The following SOX6 variants were observed in gnomAD, a reference collection of about 807,000 sequenced individuals.
SOX6 encodes the protein SRY-box transcription factor 6.
In SOX6, 11 loss-of-function variants were observed where a neutral mutation model predicts 97.8. The observed-to-expected ratio is 0.11, with a 90% CI of 0.07 to 0.19. SOX6 has a LOEUF of 0.19. Ranked by LOEUF, SOX6 falls within the 10% of genes least tolerant of loss-of-function variation. The probability of loss-of-function intolerance (pLI) is 1.00; values close to 1 mark genes in which losing one functional copy is unlikely to be tolerated. For missense variants in SOX6, 810 were observed against 1,039.5 expected, an observed-to-expected ratio of 0.78 and a Z score of 3.04; for synonymous variants, 360 against 371.4, an observed-to-expected ratio of 0.97 and a Z score of 0.35.
intron 4 of SOX6, among the ~76,000 whole-genome samples, chr11:16,501,943 C>G (rs1471584804): frequency 6.6e-6 from 1 of 152,066 alleles, no homozygotes; most frequent in Non-Finnish European, 1.5e-5. Flanking sequence ...ACCATTTGAC[C>G]CAGCCATCCC....
At chr11:16,063,638 C>G (rs1454697880) in intron 9 of SOX6, among the ~76,000 whole-genome samples, 1 of 143,682 alleles carries the variant, frequency 7.0e-6, no homozygotes, top group Non-Finnish European at 1.5e-5. Flanking sequence ...TCATTATAAA[C>G]ATATGATTTT....
At chr11:16,562,785 C>T (rs1053861752) in intron 4 of SOX6, among the ~76,000 whole-genome samples, 21 of 152,102 alleles carry the variant, frequency 1.4e-4, no homozygotes, top group African/African-American at 4.3e-4. Flanking sequence ...CATTGACCAA[C>T]AGTAATGAGG....
At chr11:16,248,455 C>A (rs1853406320) in intron 3 of SOX6, among the ~76,000 whole-genome samples, 1 of 152,230 alleles carries the variant, frequency 6.6e-6, no homozygotes, top group Non-Finnish European at 1.5e-5. Context: ...ACCTGGACAT[C>A]CTGGTGTTTC....
intron 4 of SOX6, among the ~76,000 whole-genome samples, chr11:16,580,928 T>C (rs992849912): frequency 2.0e-5 from 3 of 151,876 alleles, no homozygotes; most frequent in African/African-American, 7.3e-5. Flanking sequence ...ATAGCGATTA[T>C]TAAAAAGTCA....
chr11:16,641,654 T>C (rs1379015767), intron 3 of SOX6, among the ~76,000 whole-genome samples: 1 of 152,254 alleles, frequency 6.6e-6, no homozygotes, highest in Non-Finnish European at 1.5e-5. Flanking sequence ...CCTTTACCAT[T>C]ATGTAATGGC....
rs1325816794 is a variant in SOX6 at position 16,605,424 on chromosome 11, GGTTT to G, written n.609+6653_609+6656del. On this transcript the variant is annotated intron_variant and non_coding_transcript_variant, in intron 4 of 5. Transcript: ENST00000524520. The surrounding 1 kb of genome is among the most constrained non-coding windows in gnomAD (Gnocchi z 5.3). Reference sequence around the variant, plus strand: ...TGGATTTCGGATGGGCTTGGAATTCGGTTTGTTTATTCCTGAAAAGATCATTAAA... The same window carrying G: ...TGGATTTCGGATGGGCTTGGAATTCGGTTTATTCCTGAAAAGATCATTAAA... 1.3e-5 allele frequency among the ~76,000 whole-genome samples: 2 copies of G among 152,122 alleles called. No individual in the cohort carries two copies. The highest frequency in any genetic ancestry group is 4.8e-5 in the African/African-American group (2 of 41,426).
upstream of SOX6, among the ~76,000 whole-genome samples, chr11:16,480,872 A>G (rs1419836221): frequency 1.3e-5 from 2 of 152,166 alleles, no homozygotes; most frequent in African/African-American, 4.8e-5. Flanking sequence ...ACTTTTTAAA[A>G]TTTATTGATG....
intron 3 of SOX6, among the ~76,000 whole-genome samples, chr11:16,675,623 A>AT (rs1004994172): frequency 6.6e-6 from 1 of 152,126 alleles, no homozygotes; most frequent in Non-Finnish European, 1.5e-5. Context: ...TCCCTTTGTC[A>AT]TTTTTTGTAG....
chr11:16,479,267 T>A (rs1263225589), upstream of SOX6, among the ~76,000 whole-genome samples: 2 of 152,168 alleles, frequency 1.3e-5, no homozygotes, highest in Non-Finnish European at 2.9e-5. Context: ...GGGTGGCTCA[T>A]GCCTGTAATC....
chr11:16,152,070 A>G (rs1300634920), intron 6 of SOX6, among the ~76,000 whole-genome samples: 1 of 152,190 alleles, frequency 6.6e-6, no homozygotes, highest in Non-Finnish European at 1.5e-5. Flanking sequence ...ATTTACCACC[A>G]GGATCAAATA....
intron 11 of SOX6, among the ~76,000 whole-genome samples, chr11:16,047,119 T>G (rs1855857149): frequency 6.6e-6 from 1 of 152,136 alleles, no homozygotes; most frequent in African/African-American, 2.4e-5. Context: ...CTACCCATTA[T>G]AGTTGCTGTG....
chr11:16,160,845 T>C (rs1004454311), intron 6 of SOX6, among the ~76,000 whole-genome samples: 1 of 152,208 alleles, frequency 6.6e-6, no homozygotes, highest in Non-Finnish European at 1.5e-5. Flanking sequence ...TTTTTGGAAC[T>C]GAGCTCTCTT....
rs1564972253 is a variant in SOX6, at chr11:16,132,393, AGAAAGAAAAAAGAAAGAAAGAAAG to A, written c.778-20494_778-20471del. On this transcript the variant is annotated intron_variant, in intron 6 of 15. Transcript: ENST00000683767. ...AAGAAAGAAAGAAAGAAAGAAAGAA[AGAAAGAAAAAAGAAAGAAAGAAAG>A]AAAGAAAGAAAGAAAGAAAGAAAGA... is the stretch of plus-strand genomic sequence containing the variant. 5.4e-4 allele frequency among the ~76,000 whole-genome samples: 45 copies of A among 82,626 alleles called. 3 individuals are homozygous for A. Among genetic ancestry groups the A allele is most frequent in the Middle Eastern group, 5.1e-3 (1 of 198 alleles). The allele number at this position is 82,626 out of a possible 152,430, so 54.2% of individuals were successfully genotyped here. A position where few individuals can be genotyped will look rare whatever the true frequency, so the allele number is the denominator to read the frequency against.
chr11:16,387,829 C>G (rs1010453785), intron 1 of SOX6, among the ~76,000 whole-genome samples: 1 of 152,006 alleles, frequency 6.6e-6, no homozygotes. Flanking sequence ...TTTTGATCCC[C>G]ACCTACTTAA....
At chr11:16,647,273 T>G (rs571536741) in intron 3 of SOX6, among the ~76,000 whole-genome samples, 2 of 152,258 alleles carry the variant, frequency 1.3e-5, no homozygotes, top group Admixed American at 1.3e-4. Context: ...CTGATATGAT[T>G]TCTATGCCCC....
At chr11:16,525,090 C>T (rs1225376919) in intron 4 of SOX6, among the ~76,000 whole-genome samples, 1 of 152,164 alleles carries the variant, frequency 6.6e-6, no homozygotes, top group Non-Finnish European at 1.5e-5. Context: ...CCATCCCCAT[C>T]AAGCTACCAA....
chr11:16,457,249 G>A (rs1859826858), intron 1 of SOX6, among the ~76,000 whole-genome samples: 1 of 151,958 alleles, frequency 6.6e-6, no homozygotes, highest in African/African-American at 2.4e-5. Flanking sequence ...GAAAAACTTA[G>A]GTGTATAAAT....
At chr11:16,540,341 A>G (rs939750538) in intron 4 of SOX6, among the ~76,000 whole-genome samples, 1 of 152,156 alleles carries the variant, frequency 6.6e-6, no homozygotes, top group Non-Finnish European at 1.5e-5. Context: ...AGAGCTATCT[A>G]TGACAAACCC....
chr11:16,249,255 C>G (rs2134196614), intron 3 of SOX6, among the ~76,000 whole-genome samples: 1 of 152,248 alleles, frequency 6.6e-6, no homozygotes, highest in Non-Finnish European at 1.5e-5. Context: ...TCTTCTTGAA[C>G]ACTTGGCCGC....
Sources: gnomAD v4.1 joint callset for allele counts (sites outside exome capture counted in the v4.1 genomes callset) on GRCh38, gnomAD v4.1.1 for gene constraint, Gnocchi (gnomAD v3.1) non-coding constraint, MANE v1.5 for transcripts, NCBI Gene and HGNC (gene_info 2026-07-23, HGNC 2026-07-21) for gene names.